Variants in VNN2 observed in about 807,000 individuals in gnomAD.
VNN2 encodes vanin 2, also known as pantetheine hydrolase VNN2.
VNN2 carries 43 observed loss-of-function variants against 43.0 expected under a neutral mutation model. The observed-to-expected ratio is 1.00, with a 90% confidence interval of 0.78 to 1.29. The LOEUF is 1.29. VNN2 is among the 50% of genes most tolerant of loss of function. The probability of loss-of-function intolerance (pLI) is 0.00; values close to 1 mark genes in which losing one functional copy is unlikely to be tolerated. For synonymous variants in VNN2, 230 were observed against 224.3 expected, an observed-to-expected ratio of 1.03 and a Z score of -0.23; for missense variants, 652 against 619.7, an observed-to-expected ratio of 1.05 and a Z score of -0.55.
At position 132,757,554 on chromosome 6, in the gene VNN2, A is replaced by T; in HGVS notation, c.214-8T>A. 1 of 1,611,792 alleles carries T rather than the reference A, an allele frequency of 6.2e-7. No homozygotes were observed. The highest frequency in any genetic ancestry group is 1.1e-5 in the South Asian group (1 of 90,764). On this transcript the variant is annotated splice_polypyrimidine_tract_variant and splice_region_variant and intron_variant, in intron 1 of 6. Transcript: ENST00000326499. The stretch of plus-strand genomic sequence containing the variant: ...CACAATGATTCGAGCACCCTGTTCA[A>T]AACAAGCAAAATAAAAATGATTTTT...
At chr6:132,759,909 G>A (rs1780700288), upstream of VNN2, among the ~76,000 whole-genome samples, 1 of 152,164 alleles carries the variant, frequency 6.6e-6, no homozygotes, top group South Asian at 2.1e-4. Context: ...ACTATCTAGT[G>A]TATAATTAGT....
chr6:132,752,606 G>A lies in VNN2; in HGVS notation c.681C>T (p.Phe227=). ...TGGGAAACAGTATGGTGTCCACATG[G>A]AAATCTTTCACCAGGGTAACACCAG... ...YDPGVTLVKD[F]HVDTILFPTA... is the part of the protein sequence containing the mutation. The change falls in exon 4 of 7, where the codon TTC becomes TTT. Residue 227 remains phenylalanine (F), a synonymous_variant. Coordinates refer to ENST00000326499, the MANE Select transcript of VNN2 (RefSeq NM_004665.6). 6.2e-7 allele frequency: 1 copy of A among 1,614,132 alleles called. No homozygotes were observed. Among genetic ancestry groups the A allele is most frequent in the Non-Finnish European group, 8.5e-7 (1 of 1,180,030 alleles).
intron 5 of VNN2, 61 bp downstream of exon 5, chr6:132,751,084 T>C: frequency 2.0e-6 from 3 of 1,521,510 alleles, no homozygotes; most frequent in African/African-American, 1.4e-5. Context: ...GGAACAAATA[T>C]AAAAAGTTAA....
intron 3 of VNN2, chr6:132,753,461 A>T (rs1161167591): frequency 1.3e-5 from 6 of 454,794 alleles, no homozygotes; most frequent in Non-Finnish European, 2.6e-5. Flanking sequence ...TTAGTGTCCC[A>T]TCCAAAGTAA....
rs371162341 is a variant in VNN2, at chr6:132,754,410, G to A, written c.537+1433C>T. 2.3e-4 allele frequency among the ~76,000 whole-genome samples: 35 copies of A among 152,218 alleles called. No individual in the cohort carries two copies. In the East Asian group the frequency reaches 5.8e-3, roughly 25 times the overall value. On this transcript the variant is annotated intron_variant, in intron 3 of 6. Coordinates refer to ENST00000326499, the MANE Select transcript of VNN2 (RefSeq NM_004665.6). Reference sequence around the variant, plus strand: ...ACACACACAAAAATACATATATTGAGGACTTATGTTAACGATTTTTTCCAA... The same window carrying A: ...ACACACACAAAAATACATATATTGAAGACTTATGTTAACGATTTTTTCCAA...
At position 132,757,834 on chromosome 6, in the gene VNN2, G is replaced by C; in HGVS notation, c.50C>G (p.Thr17Ser). 1 of 1,613,980 alleles carries C rather than the reference G, an allele frequency of 6.2e-7. No individual in the cohort carries two copies. The highest frequency in any genetic ancestry group is 1.1e-5 in the South Asian group (1 of 91,086). The stretch of plus-strand genomic sequence containing the variant: ...ACTGTCCTGAGTACCAACCTGCAGG[G>C]TTATTAGGGCAAAAACTGCCACAGA... ...PISVAVFALITLQVGTQDSFI... is the reference protein window; with the variant it reads ...PISVAVFALISLQVGTQDSFI... Residue 17 changes from threonine to serine, a missense_variant, in exon 1 of 7, where the codon ACC (threonine) becomes AGC (serine). Physicochemically the swap from Thr to Ser is moderately conservative, Grantham distance 58 (BLOSUM62 1). Coordinates refer to ENST00000326499, the MANE Select transcript of VNN2 (RefSeq NM_004665.6).
upstream of VNN2, among the ~76,000 whole-genome samples, chr6:132,762,702 C>G (rs2114648080): frequency 6.6e-6 from 1 of 152,256 alleles, no homozygotes; most frequent in South Asian, 2.1e-4. Flanking sequence ...ATGAACACAG[C>G]TGAAACCAGA....
intron 6 of VNN2, among the ~76,000 whole-genome samples, chr6:132,746,294 C>T (rs1193302871): frequency 3.3e-5 from 5 of 152,184 alleles, no homozygotes; most frequent in Admixed American, 6.5e-5. Flanking sequence ...GGATACACAA[C>T]AAGTGTGTTG....
rs1326535439 is a variant in VNN2 at position 132,763,219 on chromosome 6, C to T, written c.-20+164G>A. 3.3e-5 allele frequency among the ~76,000 whole-genome samples: 5 copies of T among 150,186 alleles called. No individual in the cohort carries two copies. In the East Asian group the frequency reaches 7.8e-4, roughly 23 times the overall value. ...TATGGTAAGAAAATATCATGGAAAT[C>T]GCAGACTTAAAAAAAAAAAAGATAG... is the stretch of plus-strand genomic sequence containing the variant. On this transcript the variant is annotated intron_variant, in intron 1 of 3. Coordinates refer to the VNN2 transcript ENST00000524919.
intron 3 of VNN2, among the ~76,000 whole-genome samples, chr6:132,755,581 G>A (rs780956641): frequency 1.1e-4 from 16 of 151,900 alleles, no homozygotes; most frequent in Non-Finnish European, 1.9e-4. Context: ...CACAATGTTG[G>A]CCAGACTGGT....
At chr6:132,753,127 ATC>A in intron 3 of VNN2, 1 of 200,110 alleles carries the variant, frequency 5.0e-6, no homozygotes, top group South Asian at 7.5e-5. Context: ...GCTCACTGCA[ATC>A]TCCACCTCCT....
At chr6:132,760,289 C>T (rs535478754), upstream of VNN2, among the ~76,000 whole-genome samples, 128 of 152,260 alleles carry the variant, frequency 8.4e-4, no homozygotes, top group South Asian at 1.9e-3. Context: ...ATCCTTCCAC[C>T]TCAGCCTCGC....
rs762473303 is a variant in VNN2 at position 132,757,518 on chromosome 6, T to C, written c.242A>G (p.Asp81Gly). 2 of 1,613,964 alleles carry C rather than the reference T, an allele frequency of 1.2e-6. No homozygotes were observed. The highest frequency in any genetic ancestry group is 8.5e-7 in the Non-Finnish European group (1 of 1,179,976). ...QGARIIVTPE[D>G]ALYGWKFTRE... ...GGTAAATTTCCATCCATAAAGTGCA[T>C]CTTCTGGAGTCACAATGATTCGAGC... The change falls in exon 2 of 7, where the codon GAT (aspartate) becomes GGT (glycine). Residue 81 changes from aspartate (D) to glycine (G), a missense_variant. Transcript: ENST00000326499.
rs774967667 is a variant in VNN2 at position 132,755,830 on chromosome 6, C to T, written c.537+13G>A. The T allele has an allele frequency of 3.1e-6, 5 of 1,598,750 alleles. No homozygotes were observed. Among genetic ancestry groups the T allele is most frequent in the Non-Finnish European group, 2.6e-6 (3 of 1,171,406 alleles). ...AACACGCTCCATTTTACACGTCCGT[C>T]ACTCTCTCTTACCTTATGGTAACGT... On this transcript the variant is annotated intron_variant, in intron 3 of 6. Coordinates refer to ENST00000326499, the MANE Select transcript of VNN2 (RefSeq NM_004665.6).
rs1412340508 is a variant in VNN2 at position 132,749,719 on chromosome 6, A to T, written c.1347T>A (p.Ile449=). 3 of 1,612,772 alleles carry T rather than the reference A, an allele frequency of 1.9e-6. No individual in the cohort carries two copies. Among genetic ancestry groups the T allele is most frequent in the Non-Finnish European group, 2.5e-6 (3 of 1,179,586 alleles). The change falls in exon 6 of 7, where the codon ATT becomes ATA. Residue 449 remains isoleucine (I), a synonymous_variant. Coordinates refer to ENST00000326499, the MANE Select transcript of VNN2 (RefSeq NM_004665.6). ...CCTCAAATTTTCCAGGTGACAGATG[A>T]ATTTCGGTAAGTAGCACTTCAGGAA... The part of the protein sequence containing the change: ...YVFPEVLLTE[I]HLSPGKFEVL...
At chr6:132,755,698 C>T (rs1780419404) in intron 3 of VNN2, 145 bp downstream of exon 3, 2 of 890,212 alleles carry the variant, frequency 2.2e-6, no homozygotes, top group Non-Finnish European at 1.6e-6. Flanking sequence ...TCTTTATTGC[C>T]CACTTTCAAA....
At chr6:132,746,873 C>G (rs1050302032) in intron 6 of VNN2, among the ~76,000 whole-genome samples, 3 of 152,018 alleles carry the variant, frequency 2.0e-5, no homozygotes, top group African/African-American at 7.3e-5. Flanking sequence ...TCCTTAGAAC[C>G]TGATGAACTT....
chr6:132,763,292 A>T (rs1780782675), intron 1 of VNN2: 1 of 152,192 alleles, frequency 6.6e-6, no homozygotes, highest in East Asian at 1.9e-4. Context: ...TGAGAATGTC[A>T]CAGCAATCCA....
upstream of VNN2, among the ~76,000 whole-genome samples, chr6:132,762,249 T>C (rs1780756026): frequency 6.6e-6 from 1 of 152,186 alleles, no homozygotes; most frequent in Non-Finnish European, 1.5e-5. Flanking sequence ...TGACACTGGC[T>C]ACTGGACTTC....
Sources: allele counts gnomAD v4.1 joint callset (sites outside exome capture counted in the v4.1 genomes callset), GRCh38; gene constraint gnomAD v4.1.1; transcripts MANE v1.5; gene names NCBI Gene and HGNC (gene_info 2026-07-23, HGNC 2026-07-21).